SPDYE18: variants seen among roughly 807,000 people sequenced by gnomAD.
SPDYE18 encodes the protein speedy protein E18.
Under a neutral mutation model 44.9 loss-of-function variants are expected in SPDYE18, and 6 were observed. The ratio of observed to expected loss-of-function variants is 0.13; its 90% CI spans 0.07 to 0.26. The LOEUF (loss-of-function observed/expected upper bound fraction) is 0.26. SPDYE18 is among the 10% of genes least tolerant of loss of function. The pLI is 1.00. For synonymous variants in SPDYE18, 35 were observed against 177.1 expected (o/e 0.20, Z 6.37); for missense variants, 121 against 463.2 (o/e 0.26, Z 6.78).
At chr7:77,056,870 C>G (rs1789930332) in intron 4 of SPDYE18, among the ~76,000 whole-genome samples, 2 of 150,388 alleles carry the variant, frequency 1.3e-5, no homozygotes, top group Non-Finnish European at 3.0e-5. Flanking sequence ...AGGACCCCCT[C>G]CAGCAGACAC....
At chr7:77,058,633 AG>A (rs1789969900) in intron 3 of SPDYE18, among the ~76,000 whole-genome samples, 1 of 146,442 alleles carries the variant, frequency 6.8e-6, no homozygotes. Flanking sequence ...CAGCCTCCCG[AG>A]TAGCTGGGAT....
chr7:77,052,961 T>C lies in SPDYE18; in HGVS notation c.998A>G (p.Glu333Gly). ...RAWVSREELE[E>G]IQAYDPEHWV... is the part of the protein sequence containing the mutation. ...TCCACCTCCCCAGGCCCCACTCACC[T>C]CCTCCAACTCCTCCCGGGAAACCCA... Residue 333 changes from glutamate (E) to glycine (G), a missense_variant and splice_region_variant, in exon 7 of 9, where the codon GAG becomes GGG. Transcript: ENST00000510091. The C allele has an allele frequency of 6.3e-7, 1 of 1,595,436 alleles. No homozygotes were observed.
rs1360288185 is a variant in SPDYE18, at chr7:77,051,233, A to T, written c.*692T>A. ...TAATAATACAGAAACAAATTTAAAG[A>T]TAATAAAATATTTAGGATAAAAAGA... is the stretch of plus-strand genomic sequence containing the variant. On this transcript the variant is annotated 3_prime_UTR_variant, in exon 9 of 9. Transcript: ENST00000510091. Among the ~76,000 whole-genome samples the T allele has an allele frequency of 1.3e-5, 2 of 152,210 alleles. No individual in the cohort carries two copies. Among genetic ancestry groups the T allele is most frequent in the Non-Finnish European group, 2.9e-5 (2 of 68,044 alleles).
At chr7:77,054,192 G>A (rs1789873634) in intron 6 of SPDYE18, among the ~76,000 whole-genome samples, 1 of 151,050 alleles carries the variant, frequency 6.6e-6, no homozygotes, top group African/African-American at 2.4e-5. Flanking sequence ...AGGCTGTGGG[G>A]TGAACTGACT....
In SPDYE18 at chr7:77,060,335, T is replaced by G; in HGVS notation, c.160+18A>C. The stretch of plus-strand genomic sequence containing the variant: ...TTAGTCAACCCTATCCCACCTCTTC[T>G]TCCACCAGTCCCCTCACCTGATGGT... On this transcript the variant is annotated intron_variant, in intron 2 of 8. Coordinates refer to ENST00000510091, the MANE Select transcript of SPDYE18 (RefSeq NM_001394953.1). The G allele has an allele frequency of 1.3e-6, 2 of 1,535,194 alleles. No homozygotes were observed. The highest frequency in any genetic ancestry group is 2.3e-4 in the Middle Eastern group (1 of 4,360).
At chr7:77,059,507 GGCTTC>G (rs1251173954) in intron 2 of SPDYE18, 109 bp from the exon 3 acceptor site, 2 of 1,489,888 alleles carry the variant, frequency 1.3e-6, no homozygotes, top group African/African-American at 2.8e-5. Flanking sequence ...GCAGACTGCT[GGCTTC>G]TCTAAGCCAT....
intron 3 of SPDYE18, among the ~76,000 whole-genome samples, chr7:77,058,116 C>CTTTTTTTTTT (rs375559743): frequency 7.1e-4 from 44 of 62,184 alleles, no homozygotes; most frequent in East Asian, 1.1e-3. Flanking sequence ...CTCTGAGTCT[C>CTTTTTTTTTT]TTTTTTTTTT....
At chr7:77,057,182 C>T (rs1789938126) in intron 4 of SPDYE18, among the ~76,000 whole-genome samples, 1 of 152,294 alleles carries the variant, frequency 6.6e-6, no homozygotes, top group South Asian at 2.1e-4. Context: ...CCTCTGCCTC[C>T]TGGGTTTAAG....
chr7:77,057,351 A>C (rs1229674630), intron 4 of SPDYE18, among the ~76,000 whole-genome samples: 2 of 151,854 alleles, frequency 1.3e-5, no homozygotes, highest in Non-Finnish European at 2.9e-5. Context: ...TCCTGAGTTC[A>C]AGCAATCCTC....
rs1457089621 is a variant in SPDYE18, at chr7:77,060,476, G to T, written c.37C>A (p.Gln13Lys). 6.5e-7 allele frequency: 1 copy of T among 1,535,154 alleles called. No individual in the cohort carries two copies. Among genetic ancestry groups the T allele is most frequent in the Non-Finnish European group, 8.7e-7 (1 of 1,146,796 alleles). The change falls in exon 2 of 9, where the codon CAG becomes AAG. Residue 13 changes from glutamine to lysine, a missense_variant. By Grantham distance (53) the Gln-to-Lys change is moderately conservative. Transcript: ENST00000510091. ...RTKTRFRKRG[Q>K]ITGKITTSRQ... Reference sequence around the variant, plus strand: ...CTGGTCGTGATCTTTCCCGTAATCTGTCCCCTCTTACGGAACCTAGTCTTC... The same window carrying T: ...CTGGTCGTGATCTTTCCCGTAATCTTTCCCCTCTTACGGAACCTAGTCTTC...
At chr7:77,056,398 AG>A (rs1204878069) in intron 5 of SPDYE18, among the ~76,000 whole-genome samples, 151 bp downstream of exon 5, 2 of 71,890 alleles carry the variant, frequency 2.8e-5, no homozygotes, top group African/African-American at 9.7e-5. Context: ...CAACAGAGCA[AG>A]ACTCTGTCTC....
At chr7:77,057,327 C>G (rs1789941054) in intron 4 of SPDYE18, among the ~76,000 whole-genome samples, 1 of 152,086 alleles carries the variant, frequency 6.6e-6, no homozygotes, top group African/African-American at 2.4e-5. Context: ...TCATAGCTCA[C>G]TGCAGCCTCA....
intron 6 of SPDYE18, among the ~76,000 whole-genome samples, chr7:77,053,425 G>A (rs74347426): frequency 2.6e-5 from 4 of 152,190 alleles, no homozygotes; most frequent in South Asian, 2.1e-4. Flanking sequence ...ACTGGTGGCC[G>A]AGAGTGGTGG....
rs780613086 is a variant in SPDYE18, at chr7:77,055,703, A to G, written c.670-382T>C. On this transcript the variant is annotated intron_variant, in intron 5 of 8. Coordinates refer to ENST00000510091, the MANE Select transcript of SPDYE18 (RefSeq NM_001394953.1). ...GACTGTGGCCCAGGGCTCAGATCCC[A>G]AAGGACCCATAGGAGAGGCAGGGGC... Among the ~76,000 whole-genome samples, 80 of 60,814 alleles carry G rather than the reference A, an allele frequency of 1.3e-3. 29 individuals are homozygous for G. Among genetic ancestry groups the G allele is most frequent in the Non-Finnish European group, 1.9e-3 (71 of 37,072 alleles). The allele number at this position is 60,814 out of a possible 152,430, so 39.9% of individuals were successfully genotyped here. A position where few individuals can be genotyped will look rare whatever the true frequency, so the allele number is the denominator to read the frequency against.
rs1789846489 is a variant in SPDYE18, at chr7:77,053,206, G to A, written c.756-3C>T. 6.2e-7 allele frequency: 1 copy of A among 1,613,120 alleles called. No individual in the cohort carries two copies. Among genetic ancestry groups the A allele is most frequent in the Non-Finnish European group, 8.5e-7 (1 of 1,180,004 alleles). ...CCTCCATGTCATTGGCCAGGTAGCT[G>A]AGGACAGAAATCAGGTTGGTGCTCA... On this transcript the variant is annotated splice_polypyrimidine_tract_variant and splice_region_variant and intron_variant, in intron 6 of 8. Coordinates refer to ENST00000510091, the MANE Select transcript of SPDYE18 (RefSeq NM_001394953.1).
At chr7:77,056,898 G>A (rs1789931128) in intron 4 of SPDYE18, among the ~76,000 whole-genome samples, 1 of 151,320 alleles carries the variant, frequency 6.6e-6, no homozygotes, top group Admixed American at 6.6e-5. Flanking sequence ...CCACTGCAGA[G>A]TCATAAAGGA....
intron 7 of SPDYE18, 53 bp downstream of exon 7, chr7:77,052,907 T>G (rs1789837218): frequency 6.2e-7 from 1 of 1,612,128 alleles, no homozygotes; most frequent in African/African-American, 1.3e-5. Flanking sequence ...TCATCCAGCC[T>G]CCAGCCCACC....
chr7:77,055,951 G>A (rs1278544637), intron 5 of SPDYE18, among the ~76,000 whole-genome samples: 8 of 146,296 alleles, frequency 5.5e-5, no homozygotes, highest in Non-Finnish European at 7.5e-5. Context: ...TGAGCATGGT[G>A]GCATGTGCCT....
At chr7:77,059,858 C>T (rs1789991682) in intron 2 of SPDYE18, among the ~76,000 whole-genome samples, 1 of 147,394 alleles carries the variant, frequency 6.8e-6, no homozygotes, top group African/African-American at 2.5e-5. Context: ...CCATGTTGGC[C>T]AGGCTGGTCT....
Sources: allele counts gnomAD v4.1 joint callset (sites outside exome capture counted in the v4.1 genomes callset), GRCh38; gene constraint gnomAD v4.1.1; transcripts MANE v1.5; gene names NCBI Gene and HGNC (gene_info 2026-07-23, HGNC 2026-07-21).